Variants in NOP58 observed in about 807,000 individuals in gnomAD.
NOP58 encodes nucleolar protein 58.
In NOP58, 44 loss-of-function variants were observed where a neutral mutation model predicts 71.2. The observed-to-expected ratio is 0.62, with a 90% CI of 0.49 to 0.79. NOP58 has a LOEUF of 0.79. Among genes scored for constraint, NOP58 ranks in the 30% least tolerant of loss-of-function variants. The probability of loss-of-function intolerance (pLI) is 0.00; values close to 1 mark genes in which losing one functional copy is unlikely to be tolerated. For missense variants in NOP58, 538 were observed against 620.2 expected, an observed-to-expected ratio of 0.87 and a Z score of 1.41; for synonymous variants, 228 against 200.3, an observed-to-expected ratio of 1.14 and a Z score of -1.17.
In NOP58 at chr2:202,295,658, CTT is replaced by C. The variant is rs1351890267; in HGVS notation, c.908-11_908-10del. The C allele has an allele frequency of 3.9e-6, 6 of 1,544,996 alleles. No individual in the cohort carries two copies. Among genetic ancestry groups the C allele is most frequent in the Non-Finnish European group, 5.2e-6 (6 of 1,145,946 alleles). On this transcript the variant is annotated splice_polypyrimidine_tract_variant and intron_variant, in intron 9 of 14. Transcript: ENST00000264279. Reference sequence around the variant, plus strand: ...ATATTTGGAGGTGCATTCTTTGTAACTTTTTTCTTTTGTAGGTTCTCTTTTAA... The same window carrying C: ...ATATTTGGAGGTGCATTCTTTGTAACTTTTCTTTTGTAGGTTCTCTTTTAA...
intron 13 of NOP58, among the ~76,000 whole-genome samples, chr2:202,300,875 A>T (rs927624346): frequency 6.6e-6 from 1 of 152,200 alleles, no homozygotes; most frequent in African/African-American, 2.4e-5. Flanking sequence ...ATTATTAGTT[A>T]CACCTGGGTT....
At chr2:202,302,138 A>G (rs1358419086) in intron 13 of NOP58, among the ~76,000 whole-genome samples, 3 of 135,284 alleles carry the variant, frequency 2.2e-5, no homozygotes, top group Non-Finnish European at 3.0e-5. Flanking sequence ...CCCAGGCTGA[A>G]GTGCAGTGGC....
rs527553828 is a variant in NOP58, at chr2:202,273,962, A to G, written c.46-1151A>G. On this transcript the variant is annotated intron_variant, in intron 1 of 14. Coordinates refer to ENST00000264279, the MANE Select transcript of NOP58 (RefSeq NM_015934.5). Reference sequence around the variant, plus strand: ...ATCTCAGAAAAAAAAAAAAAAAGCCATTTACTGTGATTCCTAAAAGTATGC... The same window carrying G: ...ATCTCAGAAAAAAAAAAAAAAAGCCGTTTACTGTGATTCCTAAAAGTATGC... Among the ~76,000 whole-genome samples the G allele has an allele frequency of 2.1e-4, 32 of 151,814 alleles. No individual in the cohort carries two copies. The East Asian group carries it at 5.8e-3, about 28-fold the overall frequency.
In NOP58 at chr2:202,288,159, G is replaced by A. The variant is rs10175657; in HGVS notation, c.499+435G>A. ...ACATAAGTGCAATCTTTGTAGTTGT[G>A]TATTCTGCTGTGTCATTAAATGGTT... is the stretch of plus-strand genomic sequence containing the variant. On this transcript the variant is annotated intron_variant, in intron 6 of 14. Coordinates refer to ENST00000264279, the MANE Select transcript of NOP58 (RefSeq NM_015934.5). Among the ~76,000 whole-genome samples the A allele has an allele frequency of 7.5e-3, 1,134 of 152,112 alleles. 11 individuals are homozygous for A. The highest frequency in any genetic ancestry group is 0.025 in the African/African-American group (1,054 of 41,512).
chr2:202,291,342 G>C, intron 8 of NOP58, 72 bp downstream of exon 8: 1 of 1,201,606 alleles, frequency 8.3e-7, no homozygotes, highest in Non-Finnish European at 1.2e-6. Flanking sequence ...TGATGGCAAT[G>C]ATGATTTTTA....
intron 10 of NOP58, among the ~76,000 whole-genome samples, chr2:202,296,137 A>G (rs1030759349): frequency 3.3e-5 from 5 of 152,276 alleles, no homozygotes; most frequent in Admixed American, 2.0e-4. Flanking sequence ...AAAAAAATCT[A>G]ACATTTACGA....
intron 5 of NOP58, 94 bp downstream of exon 5, chr2:202,284,575 C>A: frequency 7.6e-7 from 1 of 1,314,314 alleles, no homozygotes; most frequent in Non-Finnish European, 1.1e-6. Flanking sequence ...CTCATTTGAA[C>A]CACATCAGAA....
chr2:202,272,732 G>C (rs2105837670), intron 1 of NOP58, among the ~76,000 whole-genome samples: 1 of 152,272 alleles, frequency 6.6e-6, no homozygotes, highest in African/African-American at 2.4e-5. Context: ...TTTTTAAGAG[G>C]ACATGTATCA....
intron 1 of NOP58, among the ~76,000 whole-genome samples, chr2:202,272,721 AT>A (rs1243479183): frequency 6.6e-6 from 1 of 152,236 alleles, no homozygotes; most frequent in Non-Finnish European, 1.5e-5. Context: ...GAAGTTCACT[AT>A]TTTTAAGAGG....
chr2:202,289,447 G>T (rs1688849740), intron 6 of NOP58, among the ~76,000 whole-genome samples: 1 of 152,166 alleles, frequency 6.6e-6, no homozygotes, highest in Non-Finnish European at 1.5e-5. Flanking sequence ...TTAAAATATT[G>T]TGTAAAATTA....
Position 202,292,809 on chromosome 2 carries a change from C to T in NOP58, c.813C>T (p.Leu271=), listed in dbSNP as rs753424615. The T allele has an allele frequency of 5.0e-6, 8 of 1,612,468 alleles. No homozygotes were observed. The African/African-American group carries it at 8.0e-5, about 16-fold the overall frequency. Residue 271 remains leucine (L), a synonymous_variant, in exon 9 of 15, where the codon CTC becomes CTT. Transcript: ENST00000264279. ...AAATCTCTGAATATCGAACCCAGCTCTATGAATATCTACAAAATCGAATGA... is the reference window on the plus strand; with the variant it reads ...AAATCTCTGAATATCGAACCCAGCTTTATGAATATCTACAAAATCGAATGA... ...VIEISEYRTQ[L]YEYLQNRMMA...
intron 2 of NOP58, among the ~76,000 whole-genome samples, 192 bp from the exon 3 acceptor site, chr2:202,277,758 A>T (rs201203756): frequency 6.6e-6 from 1 of 152,154 alleles, no homozygotes; most frequent in African/African-American, 2.4e-5. Flanking sequence ...TCCAAGCATT[A>T]CTAGCCTAAC....
intron 1 of NOP58, 23 bp downstream of exon 1, chr2:202,266,009 A>T (rs200002128): frequency 6.2e-7 from 1 of 1,613,672 alleles, no homozygotes; most frequent in East Asian, 2.2e-5. Flanking sequence ...GCGAGCCGTT[A>T]AAGGGGGAAG....
intron 1 of NOP58, among the ~76,000 whole-genome samples, chr2:202,268,379 A>G (rs1459387329): frequency 6.6e-6 from 1 of 151,802 alleles, no homozygotes; most frequent in Non-Finnish European, 1.5e-5. Flanking sequence ...CTAAAAAAAT[A>G]GAAAAATTAG....
At chr2:202,283,885 C>G (rs112459519) in intron 4 of NOP58, among the ~76,000 whole-genome samples, 42 of 152,266 alleles carry the variant, frequency 2.8e-4, no homozygotes, top group African/African-American at 9.6e-4. Flanking sequence ...GTTTTTACTT[C>G]CACCAGTGAT....
chr2:202,276,683 C>T (rs1298305107), intron 2 of NOP58, among the ~76,000 whole-genome samples: 1 of 151,686 alleles, frequency 6.6e-6, no homozygotes, highest in Admixed American at 6.6e-5. Context: ...CTACCAAAAA[C>T]AAAAATTAGC....
intron 6 of NOP58, among the ~76,000 whole-genome samples, chr2:202,289,018 G>A (rs1032086110): frequency 4.6e-5 from 7 of 151,924 alleles, no homozygotes. Flanking sequence ...CACTTAGGAG[G>A]CTGAGGAAGG....
chr2:202,277,203 C>T (rs1688614307), intron 2 of NOP58, among the ~76,000 whole-genome samples: 2 of 151,836 alleles, frequency 1.3e-5, no homozygotes, highest in Admixed American at 6.6e-5. Context: ...AGGAGAATGG[C>T]ATGAGGCAGG....
intron 5 of NOP58, among the ~76,000 whole-genome samples, chr2:202,287,356 A>G (rs116109808): frequency 0.1 from 15,632 of 151,902 alleles, 969 homozygotes; most frequent in South Asian, 0.23. Context: ...GTGAGCCACC[A>G]CGCCCAGTCC....
Sources: allele counts gnomAD v4.1 joint callset (sites outside exome capture counted in the v4.1 genomes callset), GRCh38; gene constraint gnomAD v4.1.1; transcripts MANE v1.5; gene names NCBI Gene and HGNC (gene_info 2026-07-23, HGNC 2026-07-21).